Variants in FER observed in about 807,000 individuals in gnomAD.
FER encodes the protein tyrosine-protein kinase Fer.
FER carries 63 observed loss-of-function variants against 111.0 expected under a neutral mutation model. The observed-to-expected ratio is 0.57, with a 90% CI of 0.46 to 0.70. The LOEUF (loss-of-function observed/expected upper bound fraction) is 0.70, where lower values mean the gene tolerates loss of function less well. Among genes scored for constraint, FER ranks in the 30% least tolerant of loss-of-function variants. The pLI, the probability that FER is intolerant of heterozygous loss-of-function variation, is 0.00. For missense variants in FER, 914 were observed against 954.0 expected, an observed-to-expected ratio of 0.96 and a Z score of 0.55; for synonymous variants, 327 against 313.9, an observed-to-expected ratio of 1.04 and a Z score of -0.44.
At chr5:109,051,658 A>C (rs1194722477) in intron 16 of FER, 1 of 1,576,244 alleles carries the variant, frequency 6.3e-7, no homozygotes, top group East Asian at 2.2e-5. Context: ...GCAGCCATTG[A>C]AATAAGCATA....
intron 3 of FER, among the ~76,000 whole-genome samples, chr5:108,828,183 G>C (rs778332235): frequency 6.6e-6 from 1 of 151,920 alleles, no homozygotes; most frequent in East Asian, 1.9e-4. Flanking sequence ...TTTGTATTTT[G>C]TACTTATTTT....
intron 3 of FER, among the ~76,000 whole-genome samples, chr5:108,806,529 G>C (rs938206989): frequency 6.6e-6 from 1 of 152,228 alleles, no homozygotes; most frequent in African/African-American, 2.4e-5. Flanking sequence ...TGTGAAAGCA[G>C]CTGGAAGGGA....
chr5:109,009,902 A>G (rs528144687), intron 13 of FER, among the ~76,000 whole-genome samples: 3 of 152,332 alleles, frequency 2.0e-5, no homozygotes, highest in African/African-American at 7.2e-5. Context: ...GTTTTAAGAC[A>G]GTGAAGATGG....
chr5:109,025,669 T>G (rs1459239385), intron 13 of FER, among the ~76,000 whole-genome samples: 1 of 150,928 alleles, frequency 6.6e-6, no homozygotes, highest in East Asian at 1.9e-4. Flanking sequence ...TGAATAGGAG[T>G]GGTGAGAGAG....
At chr5:108,901,583 A>G (rs946935771) in intron 10 of FER, among the ~76,000 whole-genome samples, 1 of 152,342 alleles carries the variant, frequency 6.6e-6, no homozygotes, top group East Asian at 1.9e-4. Flanking sequence ...AGGGAATATA[A>G]TAAATAATAA....
At chr5:108,852,823 A>G (rs772548905) in intron 5 of FER, among the ~76,000 whole-genome samples, 3 of 152,170 alleles carry the variant, frequency 2.0e-5, no homozygotes, top group Non-Finnish European at 2.9e-5. Context: ...TGGCACTCTT[A>G]GCTTTAATTT....
At chr5:108,985,965 G>C (rs1419308810) in intron 13 of FER, among the ~76,000 whole-genome samples, 1 of 152,168 alleles carries the variant, frequency 6.6e-6, no homozygotes, top group Non-Finnish European at 1.5e-5. Flanking sequence ...TGGTGGGATT[G>C]CTGGATCAAA....
At chr5:109,021,696 A>G (rs1353125017) in intron 13 of FER, among the ~76,000 whole-genome samples, 1 of 152,074 alleles carries the variant, frequency 6.6e-6, no homozygotes, top group East Asian at 1.9e-4. Context: ...TTAATTTTCT[A>G]CTAAACTGTA....
chr5:108,951,189 A>C (rs946755951), intron 11 of FER, among the ~76,000 whole-genome samples: 1 of 152,086 alleles, frequency 6.6e-6, no homozygotes, highest in African/African-American at 2.4e-5. Context: ...ACTTGGACCC[A>C]GGAGGCAGAG....
intron 2 of FER, among the ~76,000 whole-genome samples, chr5:108,777,485 A>G (rs1470759530): frequency 6.6e-6 from 1 of 152,200 alleles, no homozygotes; most frequent in Non-Finnish European, 1.5e-5. Context: ...CATTGTACAT[A>G]TTATGGGTTT....
chr5:108,933,362 A>G (rs867244893), intron 10 of FER, among the ~76,000 whole-genome samples: 4 of 152,124 alleles, frequency 2.6e-5, no homozygotes, highest in African/African-American at 9.7e-5. Context: ...TCCTTTCCCC[A>G]TTGCTTGTTT....
At chr5:108,950,296 G>A (rs1171322970) in intron 11 of FER, among the ~76,000 whole-genome samples, 1 of 152,204 alleles carries the variant, frequency 6.6e-6, no homozygotes. Flanking sequence ...CTATCCTAGA[G>A]AACAGTTTTA....
chr5:109,185,931 T>C (rs546046678), intron 18 of FER, among the ~76,000 whole-genome samples: 3 of 152,340 alleles, frequency 2.0e-5, no homozygotes, highest in Non-Finnish European at 1.5e-5. Flanking sequence ...TATTGAATAC[T>C]ACAGGTCATT....
intron 17 of FER, among the ~76,000 whole-genome samples, chr5:109,127,406 T>G (rs1217121756): frequency 1.3e-5 from 2 of 152,110 alleles, no homozygotes; most frequent in Admixed American, 1.3e-4. Flanking sequence ...TATTTTTACT[T>G]TTATTTGTAT....
In FER at chr5:109,127,522, G is replaced by A. The variant is rs569137610; in HGVS notation, c.2048+27003G>A. Among the ~76,000 whole-genome samples the A allele has an allele frequency of 1.8e-4, 28 of 152,194 alleles. No individual in the cohort carries two copies. In the East Asian group the frequency reaches 5.4e-3, roughly 29 times the overall value. ...AGGTTCAAGGGGTTCTCCTGCCTCA[G>A]CCTGCTGAGTAGCTGGGATTACAGG... is the stretch of plus-strand genomic sequence containing the variant. On this transcript the variant is annotated intron_variant, in intron 17 of 19. Transcript: ENST00000281092.
At chr5:109,156,872 G>A (rs1249320898) in intron 17 of FER, among the ~76,000 whole-genome samples, 6 of 152,006 alleles carry the variant, frequency 3.9e-5, no homozygotes, top group Non-Finnish European at 8.8e-5. Context: ...ATATTATGGA[G>A]GGCCAAGAAA....
At chr5:109,171,136 C>T (rs777809243) in intron 17 of FER, among the ~76,000 whole-genome samples, 9 of 152,142 alleles carry the variant, frequency 5.9e-5, no homozygotes, top group Non-Finnish European at 1.2e-4. Context: ...TTCTTAGTAG[C>T]TTTTCATCAT....
intron 11 of FER, among the ~76,000 whole-genome samples, chr5:108,947,063 A>G (rs909192273): frequency 6.6e-6 from 1 of 152,024 alleles, no homozygotes; most frequent in African/African-American, 2.4e-5. Flanking sequence ...TCCATTGTAT[A>G]TATTTACCAC....
intron 1 of FER, among the ~76,000 whole-genome samples, chr5:108,759,451 T>C (rs1751473584): frequency 6.6e-6 from 1 of 152,266 alleles, no homozygotes; most frequent in Non-Finnish European, 1.5e-5. Flanking sequence ...ATTCCAGAGC[T>C]GCTTCCACAT....
Sources: gnomAD v4.1 joint callset for allele counts (sites outside exome capture counted in the v4.1 genomes callset) on GRCh38, gnomAD v4.1.1 for gene constraint, MANE v1.5 for transcripts, NCBI Gene and HGNC (gene_info 2026-07-23, HGNC 2026-07-21) for gene names.